Variants in ADAM18 observed in about 807,000 individuals in gnomAD.
ADAM18 encodes ADAM metallopeptidase domain 18.
Under a neutral mutation model 94.4 loss-of-function variants are expected in ADAM18, and 117 were observed. The ratio of observed to expected loss-of-function variants is 1.24; its 90% confidence interval spans 1.07 to 1.45. The LOEUF (loss-of-function observed/expected upper bound fraction) is 1.45. ADAM18 is among the 40% of genes most tolerant of loss of function. ADAM18 has a pLI of 0.00. For missense variants in ADAM18, 936 were observed against 880.0 expected (o/e 1.06, Z -0.81); for synonymous variants, 327 against 291.6 (o/e 1.12, Z -1.24).
At chr8:39,653,497 T>C (rs2129579752) in intron 12 of ADAM18, among the ~76,000 whole-genome samples, 1 of 152,220 alleles carries the variant, frequency 6.6e-6, no homozygotes, top group African/African-American at 2.4e-5. Flanking sequence ...AGTGAATAAA[T>C]AGCCTTAAAA....
At chr8:39,597,051 A>G (rs79236477) in intron 2 of ADAM18, among the ~76,000 whole-genome samples, 1 of 152,112 alleles carries the variant, frequency 6.6e-6, no homozygotes. Flanking sequence ...TTTGTTTGAC[A>G]TATGTCTTAT....
chr8:39,716,563 T>C (rs1447448378), intron 18 of ADAM18, among the ~76,000 whole-genome samples: 1 of 151,990 alleles, frequency 6.6e-6, no homozygotes, highest in African/African-American at 2.4e-5. Flanking sequence ...AGAAGATACT[T>C]ATTCTGATTT....
intron 7 of ADAM18, among the ~76,000 whole-genome samples, chr8:39,636,599 A>T (rs1820081408): frequency 1.3e-5 from 2 of 152,096 alleles, no homozygotes; most frequent in South Asian, 4.1e-4. Context: ...ATACATCATA[A>T]TGTTTTTATA....
At chr8:39,624,209 A>G (rs923038303) in intron 6 of ADAM18, among the ~76,000 whole-genome samples, 1 of 152,140 alleles carries the variant, frequency 6.6e-6, no homozygotes, top group African/African-American at 2.4e-5. Flanking sequence ...GGTCTTAGTC[A>G]TAATTTCTTT....
chr8:39,719,669 A>G (rs1822693029), intron 18 of ADAM18, among the ~76,000 whole-genome samples: 1 of 151,528 alleles, frequency 6.6e-6, no homozygotes, highest in East Asian at 1.9e-4. Context: ...AAAGACGCCC[A>G]ACAACATAGG....
chr8:39,701,509 G>A (rs1047965438), intron 17 of ADAM18, among the ~76,000 whole-genome samples: 3 of 151,824 alleles, frequency 2.0e-5, no homozygotes, highest in Non-Finnish European at 4.4e-5. Context: ...TCAAGGGTAC[G>A]TGTGAAAGGA....
intron 6 of ADAM18, among the ~76,000 whole-genome samples, chr8:39,616,333 C>T (rs1485686402): frequency 6.6e-6 from 1 of 152,036 alleles, no homozygotes; most frequent in Non-Finnish European, 1.5e-5. Context: ...TCACTTGAAC[C>T]CAGGAAGCTG....
Position 39,719,252 on chromosome 8 carries a change from A to G in ADAM18, c.2018-4496A>G, listed in dbSNP as rs533113776. On this transcript the variant is annotated intron_variant, in intron 18 of 19. Coordinates refer to ENST00000265707, the MANE Select transcript of ADAM18 (RefSeq NM_014237.3). ...CAATGGATAAACTTTAGCTTTTTAA[A>G]CAAATTGTGCTAGAATAATTATATA... Among the ~76,000 whole-genome samples the G allele has an allele frequency of 2.0e-5, 3 of 151,564 alleles. No individual in the cohort carries two copies. In the South Asian group the frequency reaches 6.2e-4, roughly 31 times the overall value.
chr8:39,689,423 T>C (rs1821706295), intron 16 of ADAM18, among the ~76,000 whole-genome samples: 2 of 152,242 alleles, frequency 1.3e-5, no homozygotes, highest in African/African-American at 4.8e-5. Context: ...GCTAGCCATT[T>C]ATCCCGGCAT....
chr8:39,662,918 C>A (rs1024946837), intron 12 of ADAM18, among the ~76,000 whole-genome samples: 20 of 152,194 alleles, frequency 1.3e-4, no homozygotes, highest in Non-Finnish European at 2.5e-4. Context: ...AGCCACTGCA[C>A]CCAGCCCCTA....
intron 16 of ADAM18, among the ~76,000 whole-genome samples, chr8:39,686,732 A>C (rs1475272138): frequency 6.6e-6 from 1 of 152,200 alleles, no homozygotes; most frequent in Non-Finnish European, 1.5e-5. Flanking sequence ...AAGAAAAATT[A>C]TTTTCAGACT....
intron 2 of ADAM18, among the ~76,000 whole-genome samples, 158 bp downstream of exon 2, chr8:39,585,510 C>A (rs1305853776): frequency 1.3e-5 from 2 of 152,026 alleles, no homozygotes; most frequent in African/African-American, 4.8e-5. Flanking sequence ...CCTCTTGTTC[C>A]CCCATTTCTG....
intron 18 of ADAM18, among the ~76,000 whole-genome samples, chr8:39,712,116 A>G (rs1162058238): frequency 6.6e-6 from 1 of 151,886 alleles, no homozygotes; most frequent in Non-Finnish European, 1.5e-5. Flanking sequence ...CAATAAAACA[A>G]TAGATATTAA....
chr8:39,606,441 G>C, intron 3 of ADAM18, 79 bp downstream of exon 3: 1 of 903,034 alleles, frequency 1.1e-6, no homozygotes, highest in East Asian at 2.7e-5. Context: ...TTTTTGTGCA[G>C]TATTTAAATT....
intron 12 of ADAM18, among the ~76,000 whole-genome samples, chr8:39,662,404 A>G (rs1462391415): frequency 2.0e-5 from 3 of 152,154 alleles, no homozygotes; most frequent in Non-Finnish European, 4.4e-5. Context: ...GCATACGTCC[A>G]TTTACATGCA....
intron 14 of ADAM18, among the ~76,000 whole-genome samples, chr8:39,673,390 A>G (rs1043898292): frequency 2.0e-5 from 3 of 152,116 alleles, no homozygotes; most frequent in Admixed American, 1.3e-4. Flanking sequence ...ACATAGATAT[A>G]CATGTGCCAT....
chr8:39,694,249 A>T (rs1821860498), intron 17 of ADAM18, among the ~76,000 whole-genome samples: 1 of 151,308 alleles, frequency 6.6e-6, no homozygotes, highest in Non-Finnish European at 1.5e-5. Flanking sequence ...ATAATTTTCA[A>T]TTAAAATTAT....
At chr8:39,684,598 CT>C (rs955205672) in intron 16 of ADAM18, among the ~76,000 whole-genome samples, 4 of 152,114 alleles carry the variant, frequency 2.6e-5, no homozygotes, top group African/African-American at 9.7e-5. Flanking sequence ...CTCAATCAGC[CT>C]GAGGTTGAGG....
chr8:39,667,015 A>G (rs1346322664), intron 13 of ADAM18, among the ~76,000 whole-genome samples: 1 of 152,146 alleles, frequency 6.6e-6, no homozygotes, highest in Non-Finnish European at 1.5e-5. Flanking sequence ...GGCCACCACA[A>G]AATTTTGGCA....
Sources: gnomAD v4.1 joint callset for allele counts (sites outside exome capture counted in the v4.1 genomes callset) on GRCh38, gnomAD v4.1.1 for gene constraint, MANE v1.5 for transcripts, NCBI Gene and HGNC (gene_info 2026-07-23, HGNC 2026-07-21) for gene names.